ZCCHC2: variants seen among roughly 807,000 people sequenced by gnomAD.
ZCCHC2 encodes the protein zinc finger CCHC domain-containing protein 2.
ZCCHC2 carries 39 observed loss-of-function variants against 103.6 expected under a neutral mutation model. The ratio of observed to expected loss-of-function variants is 0.38; its 90% CI spans 0.29 to 0.49. The LOEUF is 0.49. Among genes scored for constraint, ZCCHC2 ranks in the 20% least tolerant of loss-of-function variants. The pLI, the probability that ZCCHC2 is intolerant of heterozygous loss-of-function variation, is 0.96. For synonymous variants in ZCCHC2, 687 were observed against 608.9 expected (o/e 1.13, Z -1.89); for missense variants, 1,483 against 1,491.0 (o/e 0.99, Z 0.09).
At chr18:62,558,639 T>C (rs1032505361) in intron 6 of ZCCHC2, 48 bp from the exon 7 acceptor site, 2 of 1,132,148 alleles carry the variant, frequency 1.8e-6, no homozygotes, top group Non-Finnish European at 2.5e-6. Flanking sequence ...TTTGTTTTCT[T>C]TATTTTAATT....
intron 8 of ZCCHC2, among the ~76,000 whole-genome samples, chr18:62,562,490 CT>C (rs1374415406): frequency 4.6e-5 from 7 of 151,434 alleles, no homozygotes; most frequent in African/African-American, 1.2e-4. Context: ...CTATAATTTA[CT>C]TTTTTTTTCT....
Position 62,523,891 on chromosome 18 carries a change from C to G in ZCCHC2, c.467C>G (p.Ser156Trp), listed in dbSNP as rs1275283279. The G allele has an allele frequency of 1.9e-6, 3 of 1,541,248 alleles. No homozygotes were observed. The highest frequency in any genetic ancestry group is 2.5e-5 in the East Asian group (1 of 40,492). The change falls in exon 1 of 14, where the codon TCG becomes TGG. Residue 156 changes from serine to tryptophan, a missense_variant. Around this residue, in one of 3 missense-constraint regions of ZCCHC2, gnomAD observed 568 missense variants for 525.1 expected, o/e 1.08. Coordinates refer to ENST00000269499, the MANE Select transcript of ZCCHC2 (RefSeq NM_017742.6). ...TCGGAGGCCAAGGCCAACGGCCTCT[C>G]GGACCCGGGGCCGCTGGCCGACTTC... ...RDSEAKANGLSDPGPLADFRE... is the reference protein window; with the variant it reads ...RDSEAKANGLWDPGPLADFRE...
At chr18:62,565,418 TC>T (rs1916318896) in intron 11 of ZCCHC2, among the ~76,000 whole-genome samples, 1 of 152,142 alleles carries the variant, frequency 6.6e-6, no homozygotes, top group Admixed American at 6.5e-5. Flanking sequence ...CCATGGGAGA[TC>T]TCTCCTGTGG....
intron 4 of ZCCHC2, among the ~76,000 whole-genome samples, chr18:62,550,117 C>T (rs895408641): frequency 6.6e-5 from 10 of 152,166 alleles, no homozygotes; most frequent in Admixed American, 1.3e-4. Context: ...TGTGGGTCGC[C>T]CTGCACCTGG....
chr18:62,531,335 T>C (rs926846758), intron 1 of ZCCHC2, among the ~76,000 whole-genome samples: 2 of 152,224 alleles, frequency 1.3e-5, no homozygotes, highest in African/African-American at 4.8e-5. Context: ...CTTCTGTTTT[T>C]CCTATGCTCT....
At chr18:62,551,597 T>A in intron 5 of ZCCHC2, 1 of 152,998 alleles carries the variant, frequency 6.5e-6, no homozygotes. Flanking sequence ...ATGGGAGTAA[T>A]CGGGTAATTA....
intron 1 of ZCCHC2, among the ~76,000 whole-genome samples, chr18:62,535,630 A>AGACAC (rs1914890419): frequency 1.3e-5 from 2 of 152,186 alleles, no homozygotes; most frequent in Non-Finnish European, 2.9e-5. Context: ...TGCATGTCTC[A>AGACAC]TGTGGTGTCT....
intron 1 of ZCCHC2, among the ~76,000 whole-genome samples, chr18:62,535,506 G>A (rs1327334535): frequency 2.6e-5 from 4 of 152,182 alleles, no homozygotes; most frequent in South Asian, 2.1e-4. Flanking sequence ...AATAACTATA[G>A]TGAAGAGTTT....
intron 1 of ZCCHC2, among the ~76,000 whole-genome samples, chr18:62,534,989 T>C (rs1914859811): frequency 6.6e-6 from 1 of 152,188 alleles, no homozygotes; most frequent in Admixed American, 6.5e-5. Context: ...TCCAAGAATG[T>C]TTTTGCACTG....
chr18:62,527,274 A>AT (rs1568535218), intron 1 of ZCCHC2, among the ~76,000 whole-genome samples: 1 of 152,132 alleles, frequency 6.6e-6, no homozygotes, highest in Non-Finnish European at 1.5e-5. Flanking sequence ...CTATTAAAAA[A>AT]TTTAAAAACT....
Position 62,544,873 on chromosome 18 carries a change from G to A in ZCCHC2, c.1200G>A (p.Lys400=). 1 of 1,521,296 alleles carries A rather than the reference G, an allele frequency of 6.6e-7. No individual in the cohort carries two copies. The highest frequency in any genetic ancestry group is 8.8e-7 in the Non-Finnish European group (1 of 1,137,924). The allele number at this position is 1,521,296 out of a possible 1,614,324, so 94.2% of individuals were successfully genotyped here. The change falls in exon 4 of 14, where the codon AAG becomes AAA. Residue 400 remains lysine, a splice_region_variant and synonymous_variant. Coordinates refer to ENST00000269499, the MANE Select transcript of ZCCHC2 (RefSeq NM_017742.6). ...THQELQEFLL[K]LPKELSSETF... is the part of the protein sequence containing the mutation. The stretch of plus-strand genomic sequence containing the variant: ...AAGAACTACAGGAATTTCTACTGAA[G>A]GTAAAATATAGATTTTGTTGTTAAA...
chr18:62,532,033 G>A (rs545002756), intron 1 of ZCCHC2, among the ~76,000 whole-genome samples: 1 of 152,250 alleles, frequency 6.6e-6, no homozygotes, highest in African/African-American at 2.4e-5. Context: ...GAGATAGTAG[G>A]GTTGGGTTAT....
At chr18:62,525,883 A>C (rs979851567) in intron 1 of ZCCHC2, 1 of 152,132 alleles carries the variant, frequency 6.6e-6, no homozygotes, top group African/African-American at 2.4e-5. Flanking sequence ...ACAGCCATTA[A>C]ATTTAGAGAC....
intron 8 of ZCCHC2, 101 bp from the exon 9 acceptor site, chr18:62,562,908 C>T: frequency 7.4e-7 from 1 of 1,359,986 alleles, no homozygotes; most frequent in Non-Finnish European, 1.0e-6. Flanking sequence ...CTTGAAGAAA[C>T]TAATATATTG....
chr18:62,571,206 G>C (rs995053374), intron 12 of ZCCHC2, among the ~76,000 whole-genome samples: 2 of 142,744 alleles, frequency 1.4e-5, no homozygotes, highest in African/African-American at 2.5e-5. Context: ...AGTGCTAGCT[G>C]CCAGACAGTC....
chr18:62,556,181 T>G, intron 5 of ZCCHC2, 22 bp from the exon 6 acceptor site: 2 of 1,560,664 alleles, frequency 1.3e-6, no homozygotes, highest in Non-Finnish European at 1.7e-6. Flanking sequence ...AATTAACAAA[T>G]CTCTTTTCTT....
At chr18:62,550,505 C>T in intron 5 of ZCCHC2, 45 bp downstream of exon 5, 3 of 1,438,520 alleles carry the variant, frequency 2.1e-6, no homozygotes, top group Non-Finnish European at 2.9e-6. Flanking sequence ...ACACACAGGA[C>T]AAAGGGCCGC....
chr18:62,563,550 G>A (rs972942965), intron 9 of ZCCHC2, among the ~76,000 whole-genome samples: 2 of 152,134 alleles, frequency 1.3e-5, no homozygotes, highest in African/African-American at 4.8e-5. Context: ...TCAGCTACTC[G>A]GGAGGCTGAG....
At chr18:62,526,848 G>T (rs1914433111) in intron 1 of ZCCHC2, 2 of 151,638 alleles carry the variant, frequency 1.3e-5, no homozygotes, top group South Asian at 4.2e-4. Context: ...CCGGCGCGCC[G>T]GCCCCGCCCC....
Sources: allele counts gnomAD v4.1 joint callset (sites outside exome capture counted in the v4.1 genomes callset), GRCh38; gene constraint gnomAD v4.1.1; regional missense constraint gnomAD v4.1.1; transcripts MANE v1.5; gene names NCBI Gene and HGNC (gene_info 2026-07-23, HGNC 2026-07-21).